The following PARP1 variants were observed in gnomAD, a reference collection of about 807,000 sequenced individuals.
PARP1 encodes the protein poly(ADP-ribose) polymerase 1, also known as poly [ADP-ribose] polymerase 1.
PARP1 carries 44 observed loss-of-function variants against 118.7 expected under a neutral mutation model. That is an observed-to-expected ratio of 0.37 (90% CI 0.29 to 0.48). The LOEUF (loss-of-function observed/expected upper bound fraction) is 0.48. Ranked by LOEUF, PARP1 falls within the 20% of genes least tolerant of loss-of-function variation. PARP1 has a pLI of 0.99. For missense variants in PARP1, 1,100 were observed against 1,272.4 expected, an observed-to-expected ratio of 0.86 and a Z score of 2.06; for synonymous variants, 492 against 483.2, an observed-to-expected ratio of 1.02 and a Z score of -0.24.
chr1:226,402,556 A>G (rs914829773), intron 1 of PARP1, among the ~76,000 whole-genome samples, 177 bp from the exon 2 acceptor site: 2 of 152,376 alleles, frequency 1.3e-5, no homozygotes, highest in South Asian at 2.1e-4. Flanking sequence ...GAAGAGCTGC[A>G]GCATCCTTCT....
chr1:226,388,763 A>T lies in PARP1; in HGVS notation c.618-8T>A, dbSNP rs1664768335. On this transcript the variant is annotated splice_region_variant and splice_polypyrimidine_tract_variant and intron_variant, in intron 4 of 22. Transcript: ENST00000366794. Reference sequence around the variant, plus strand: ...TCATCGCCTTTTCTCTTTCTGAAGGAGACACAGGATATGAGAGACAGCCAG... The same window carrying T: ...TCATCGCCTTTTCTCTTTCTGAAGGTGACACAGGATATGAGAGACAGCCAG... 1 of 1,606,418 alleles carries T rather than the reference A, an allele frequency of 6.2e-7. No homozygotes were observed. Among genetic ancestry groups the T allele is most frequent in the African/African-American group, 1.3e-5 (1 of 74,730 alleles).
At chr1:226,385,264 C>T (rs1664692612) in intron 7 of PARP1, among the ~76,000 whole-genome samples, 1 of 152,226 alleles carries the variant, frequency 6.6e-6, no homozygotes, top group African/African-American at 2.4e-5. Context: ...TATTCATGGT[C>T]TTTGCAAGCA....
In PARP1 at chr1:226,368,201, G is replaced by C. The variant is rs761907633; in HGVS notation, c.2275C>G (p.Gln759Glu). Reference protein sequence around the residue: ...PPLLNNADSVQAKVEMLDNLL... With the variant: ...PPLLNNADSVEAKVEMLDNLL... ...TCCCTTCTGAACCCTTGCGCTACCT[G>C]CACACTGTCTGCATTGTTCAGGAGC... The change falls in exon 16 of 23, where the codon CAG (glutamine) becomes GAG (glutamate). Residue 759 changes from glutamine (Q) to glutamate (E), a missense_variant and splice_region_variant. This residue lies in a region of PARP1 where 948 missense variants were observed against 1,031.8 expected (regional missense o/e 0.92). Transcript: ENST00000366794. The C allele has an allele frequency of 1.2e-6, 2 of 1,614,168 alleles. No individual in the cohort carries two copies. Among genetic ancestry groups the C allele is most frequent in the Non-Finnish European group, 1.7e-6 (2 of 1,180,026 alleles).
chr1:226,363,844 T>A (rs1246429559), intron 20 of PARP1, 99 bp downstream of exon 20: 5 of 1,293,878 alleles, frequency 3.9e-6, no homozygotes, highest in Non-Finnish European at 5.6e-6. Flanking sequence ...GTAACTGCAG[T>A]GGGGAATTTC....
chr1:226,366,783 A>G (rs554932204), intron 17 of PARP1: 1 of 159,634 alleles, frequency 6.3e-6, no homozygotes, highest in African/African-American at 2.4e-5. Flanking sequence ...TTGTCCTAGG[A>G]AAGAAGCCAA....
chr1:226,378,407 A>G (rs1488192478), intron 12 of PARP1, among the ~76,000 whole-genome samples: 10 of 92,466 alleles, frequency 1.1e-4, no homozygotes, highest in Non-Finnish European at 2.6e-4. Context: ...TCACCATGTT[A>G]AAAAAAAAAA....
At chr1:226,381,241 C>T (rs376737107) in intron 8 of PARP1, 33 bp from the exon 9 acceptor site, 9 of 1,613,870 alleles carry the variant, frequency 5.6e-6, no homozygotes, top group African/African-American at 2.7e-5. Flanking sequence ...TTCAGCAAGG[C>T]CAGCTCTGGT....
chr1:226,399,447 C>T (rs1664985269), intron 2 of PARP1, among the ~76,000 whole-genome samples: 1 of 152,068 alleles, frequency 6.6e-6, no homozygotes, highest in Non-Finnish European at 1.5e-5. Flanking sequence ...ATGATTCCAA[C>T]TATATTATAT....
At chr1:226,382,395 GC>G (rs1664626899) in intron 8 of PARP1, among the ~76,000 whole-genome samples, 1 of 152,196 alleles carries the variant, frequency 6.6e-6, no homozygotes, top group Non-Finnish European at 1.5e-5. Context: ...GGAGAGTGAG[GC>G]CTGGGATGCT....
chr1:226,390,792 C>G (rs938407524), intron 3 of PARP1, among the ~76,000 whole-genome samples, 168 bp from the exon 4 acceptor site: 1 of 152,146 alleles, frequency 6.6e-6, no homozygotes, highest in African/African-American at 2.4e-5. Context: ...CTCAGGTCAT[C>G]AAGGATTGTG....
intron 3 of PARP1, among the ~76,000 whole-genome samples, chr1:226,391,769 TTC>T (rs1664823799): frequency 1.3e-5 from 2 of 152,208 alleles, no homozygotes; most frequent in South Asian, 4.1e-4. Flanking sequence ...TCCATCCATT[TTC>T]TCTGACTGGC....
At chr1:226,366,174 C>A in intron 17 of PARP1, 122 bp from the exon 18 acceptor site, 1 of 730,484 alleles carries the variant, frequency 1.4e-6, no homozygotes. Flanking sequence ...CCGGGCATGA[C>A]CGAGAGCCTG....
rs3219128 is a variant in PARP1, at chr1:226,367,045, T to C, written c.2406+435A>G. Reference sequence around the variant, plus strand: ...CAGAGAAAAATGAACGCAAGCATTGTGTTTTTATTACAGGTGCCATCAAGC... The same window carrying C: ...CAGAGAAAAATGAACGCAAGCATTGCGTTTTTATTACAGGTGCCATCAAGC... On this transcript the variant is annotated intron_variant, in intron 17 of 22. Transcript: ENST00000366794. 2,254 of 270,206 alleles carry C rather than the reference T, an allele frequency of 8.3e-3. 104 individuals carry two copies. The highest frequency in any genetic ancestry group is 0.075 in the South Asian group (1,738 of 23,150). 16.7% of individuals were successfully genotyped at this position (270,206 alleles called of 1,614,324 possible).
intron 4 of PARP1, 107 bp downstream of exon 4, chr1:226,390,303 C>A: frequency 1.0e-6 from 1 of 968,258 alleles, no homozygotes; most frequent in East Asian, 2.4e-5. Flanking sequence ...GGCTTACTGA[C>A]AGTCAGCGAA....
chr1:226,381,331 C>T (rs970707906), intron 8 of PARP1, 123 bp from the exon 9 acceptor site: 19 of 1,101,522 alleles, frequency 1.7e-5, no homozygotes, highest in African/African-American at 1.7e-4. Context: ...AAAATACACT[C>T]GCGAGAAAAC....
intron 12 of PARP1, 36 bp downstream of exon 12, chr1:226,379,106 G>C (rs763060846): frequency 6.2e-7 from 1 of 1,613,558 alleles, no homozygotes; most frequent in Non-Finnish European, 8.5e-7. Context: ...ACGGGCCCAT[G>C]TCTCTGCACA....
intron 8 of PARP1, 91 bp downstream of exon 8, chr1:226,382,945 A>G (rs1241787739): frequency 1.4e-6 from 2 of 1,429,154 alleles, no homozygotes; most frequent in Non-Finnish European, 2.0e-6. Context: ...CCCTTGACGG[A>G]TACTTTCTTC....
At chr1:226,364,920 A>G (rs1368663028) in intron 19 of PARP1, 82 bp downstream of exon 19, 14 of 1,499,230 alleles carry the variant, frequency 9.3e-6, no homozygotes, top group Non-Finnish European at 6.5e-6. Flanking sequence ...CCCTAAACCA[A>G]CTAGACCTCT....
intron 1 of PARP1, among the ~76,000 whole-genome samples, chr1:226,402,836 T>C (rs576107500): frequency 1.5e-3 from 221 of 152,356 alleles, no homozygotes; most frequent in Non-Finnish European, 2.0e-3. Flanking sequence ...AAAGGGCCTG[T>C]GTGCCCCAGA....
Sources: allele counts gnomAD v4.1 joint callset (sites outside exome capture counted in the v4.1 genomes callset), GRCh38; gene constraint gnomAD v4.1.1; regional missense constraint gnomAD v4.1.1; transcripts MANE v1.5; gene names NCBI Gene and HGNC (gene_info 2026-07-23, HGNC 2026-07-21).